The following ATG7 variants were observed in gnomAD, a reference collection of about 807,000 sequenced individuals.
The protein encoded by ATG7 is autophagy related 7.
ATG7 carries 70 observed loss-of-function variants against 82.4 expected under a neutral mutation model. The ratio of observed to expected loss-of-function variants is 0.85; its 90% CI spans 0.70 to 1.04. The LOEUF is 1.04. ATG7 is among the 50% of genes least tolerant of loss of function. ATG7 has a pLI of 0.00. For missense variants in ATG7, 792 were observed against 864.3 expected (o/e 0.92, Z 1.05); for synonymous variants, 287 against 313.0 (o/e 0.92, Z 0.88).
chr3:11,497,356 A>ACTATATAT (rs2090911837), intron 20 of ATG7, among the ~76,000 whole-genome samples: 1 of 30,534 alleles, frequency 3.3e-5, no homozygotes, highest in Non-Finnish European at 5.7e-5. Context: ...TACTAAAAAT[A>ACTATATAT]CTATATATAT....
chr3:11,424,373 TTAAA>T (rs1360313356), intron 19 of ATG7, among the ~76,000 whole-genome samples: 1 of 151,972 alleles, frequency 6.6e-6, no homozygotes, highest in Non-Finnish European at 1.5e-5. Context: ...TTTATTAACA[TTAAA>T]TAAAGGTGGG....
chr3:11,302,874 T>C (rs1049021267), intron 5 of ATG7, among the ~76,000 whole-genome samples: 5 of 152,316 alleles, frequency 3.3e-5, no homozygotes, highest in African/African-American at 1.2e-4. Context: ...ATTAGATGAA[T>C]TGTCAGTCAA....
In ATG7 at chr3:11,550,784, T is replaced by G. The variant is rs558005149; in HGVS notation, c.2080-4027T>G. On this transcript the variant is annotated intron_variant, in intron 20 of 20. Transcript: ENST00000693202. ...CTCTCAGTTTGCCTTTTTGACTGTT[T>G]TCCCGTGCATATTGCATGCATGTGT... 1.1e-4 allele frequency among the ~76,000 whole-genome samples: 17 copies of G among 152,276 alleles called. No homozygotes were observed. The South Asian group carries it at 3.5e-3, about 32-fold the overall frequency.
intron 19 of ATG7, among the ~76,000 whole-genome samples, chr3:11,412,280 G>T (rs7642031): frequency 1.3e-5 from 2 of 149,224 alleles, no homozygotes; most frequent in African/African-American, 2.5e-5. Flanking sequence ...TTTTTTTTTA[G>T]TAGGCCTGAA....
chr3:11,546,189 T>TG (rs2071276873), intron 20 of ATG7, among the ~76,000 whole-genome samples: 2 of 117,546 alleles, frequency 1.7e-5, no homozygotes, highest in African/African-American at 3.2e-5. Flanking sequence ...TTTTTTTTTT[T>TG]GAGATGGAGT....
chr3:11,558,651 A>C (rs765860021), downstream of ATG7: 8 of 1,611,934 alleles, frequency 5.0e-6, no homozygotes, highest in African/African-American at 1.1e-4. Context: ...GGGCTGCTGG[A>C]TGCTCCGTCC....
chr3:11,564,952 C>T, the ATG7 span: 36 of 1,568,082 alleles, frequency 2.3e-5, no homozygotes, highest in Non-Finnish European at 2.9e-5. Context: ...GGGGCCACAG[C>T]GCGCTCGATG....
chr3:11,533,539 T>TAAAAAAA (rs66794993), intron 20 of ATG7, among the ~76,000 whole-genome samples: 1 of 126,676 alleles, frequency 7.9e-6, no homozygotes, highest in African/African-American at 3.0e-5. Flanking sequence ...CCCCTTCTGT[T>TAAAAAAA]AAAAAAAAAA....
In ATG7 at chr3:11,378,027, A is replaced by ATTTTTTTTTTTTTTTTTTTTTTTTTTTTT. The variant is rs61176051; in HGVS notation, c.1876-1927_1876-1926insTTTTTTTTTTTTTTTTTTTTTTTTTTTTT. On this transcript the variant is annotated intron_variant, in intron 18 of 20. Coordinates refer to ENST00000693202, the MANE Select transcript of ATG7 (RefSeq NM_001349232.2). ...GCTATCTAACTTATACCAGTTACCA[A>ATTTTTTTTTTTTTTTTTTTTTTTTTTTTT]TTTTTTTTTTTTTTTTTTGAGATGG... Among the ~76,000 whole-genome samples the ATTTTTTTTTTTTTTTTTTTTTTTTTTTTT allele has an allele frequency of 3.7e-4, 34 of 92,724 alleles. 7 individuals carry two copies. Among genetic ancestry groups the ATTTTTTTTTTTTTTTTTTTTTTTTTTTTT allele is most frequent in the African/African-American group, 9.6e-4 (18 of 18,716 alleles). The allele number at this position is 92,724 out of a possible 152,430, so 60.8% of individuals were successfully genotyped here.
intron 19 of ATG7, among the ~76,000 whole-genome samples, chr3:11,426,239 AAGT>A (rs2082352385): frequency 6.6e-6 from 1 of 152,192 alleles, no homozygotes; most frequent in South Asian, 2.1e-4. Context: ...GATAGGTGCA[AAGT>A]AGTGTTTCAT....
downstream of ATG7, among the ~76,000 whole-genome samples, chr3:11,561,828 G>C (rs188424015): frequency 6.6e-6 from 1 of 151,776 alleles, no homozygotes; most frequent in Non-Finnish European, 1.5e-5. Flanking sequence ...AGGCTGCCCC[G>C]GGGGAGAGGG....
At chr3:11,364,529 G>T in intron 17 of ATG7, 130 bp from the exon 18 acceptor site, 1 of 950,474 alleles carries the variant, frequency 1.1e-6, no homozygotes. Context: ...TTAGTTTTTT[G>T]CTAACTTACA....
chr3:11,411,101 C>A (rs1454161979), intron 19 of ATG7, among the ~76,000 whole-genome samples: 3 of 152,116 alleles, frequency 2.0e-5, no homozygotes, highest in African/African-American at 7.2e-5. Flanking sequence ...CTCATCAACA[C>A]TTGTTATTTT....
At chr3:11,418,761 G>T (rs568247923) in intron 19 of ATG7, among the ~76,000 whole-genome samples, 2 of 152,270 alleles carry the variant, frequency 1.3e-5, no homozygotes, top group African/African-American at 4.8e-5. Flanking sequence ...CTGAAACTGG[G>T]TAATTTATAA....
chr3:11,500,433 T>C (rs1327327112), intron 20 of ATG7, among the ~76,000 whole-genome samples: 1 of 149,322 alleles, frequency 6.7e-6, no homozygotes, highest in African/African-American at 2.5e-5. Context: ...ATAACATATC[T>C]GATCACTATG....
intron 20 of ATG7, among the ~76,000 whole-genome samples, chr3:11,479,906 C>G (rs1000290298): frequency 1.3e-5 from 2 of 151,500 alleles, no homozygotes; most frequent in African/African-American, 2.4e-5. Flanking sequence ...TTCCAGGCTT[C>G]TGCACTGCCT....
intron 20 of ATG7, among the ~76,000 whole-genome samples, chr3:11,548,396 AACTC>A (rs1362214528): frequency 2.6e-5 from 4 of 152,120 alleles, no homozygotes; most frequent in African/African-American, 4.8e-5. Flanking sequence ...AATTTTGACT[AACTC>A]CAGTTTACTT....
chr3:11,353,971 A>G (rs1214409198), intron 14 of ATG7, among the ~76,000 whole-genome samples: 1 of 152,238 alleles, frequency 6.6e-6, no homozygotes, highest in African/African-American at 2.4e-5. Flanking sequence ...CTTCAAGGAC[A>G]GGGTGGTTTC....
chr3:11,364,420 GAA>G (rs2076466513), intron 17 of ATG7, among the ~76,000 whole-genome samples: 1 of 152,192 alleles, frequency 6.6e-6, no homozygotes, highest in Non-Finnish European at 1.5e-5. Context: ...CTGAAGCACA[GAA>G]AAGTTAAGCA....
Sources: gnomAD v4.1 joint callset for allele counts (sites outside exome capture counted in the v4.1 genomes callset) on GRCh38, gnomAD v4.1.1 for gene constraint, MANE v1.5 for transcripts, NCBI Gene and HGNC (gene_info 2026-07-23, HGNC 2026-07-21) for gene names.